PPP2R5C: variants seen among roughly 807,000 people sequenced by gnomAD.
The protein encoded by PPP2R5C is serine/threonine-protein phosphatase 2A 56 kDa regulatory subunit gamma isoform.
Under a neutral mutation model 68.9 loss-of-function variants are expected in PPP2R5C, and 7 were observed. That is an observed-to-expected ratio of 0.10 (90% CI 0.06 to 0.19). PPP2R5C has a LOEUF of 0.19. Among genes scored for constraint, PPP2R5C ranks in the 10% least tolerant of loss-of-function variants. The pLI is 1.00. For missense variants in PPP2R5C, 348 were observed against 641.3 expected (o/e 0.54, Z 4.94); for synonymous variants, 210 against 222.2 (o/e 0.95, Z 0.49).
intron 1 of PPP2R5C, among the ~76,000 whole-genome samples, chr14:101,829,012 A>G (rs1423285962): frequency 2.0e-5 from 3 of 152,172 alleles, no homozygotes; most frequent in Non-Finnish European, 4.4e-5. Context: ...CTCAAAAACT[A>G]TGTTTTCCAA....
chr14:101,836,984 A>G (rs1020072117), intron 1 of PPP2R5C, among the ~76,000 whole-genome samples: 2 of 152,256 alleles, frequency 1.3e-5, no homozygotes, highest in Non-Finnish European at 2.9e-5. Flanking sequence ...AGACAAAATC[A>G]GTGAGTGCAG....
At chr14:101,890,842 G>A (rs974218769) in intron 6 of PPP2R5C, among the ~76,000 whole-genome samples, 3 of 137,426 alleles carry the variant, frequency 2.2e-5, no homozygotes, top group Non-Finnish European at 4.5e-5. Context: ...GCACGATCTC[G>A]GCTCACTGCA....
chr14:101,767,394 C>T (rs570518824), intron 2 of PPP2R5C, among the ~76,000 whole-genome samples: 5 of 152,228 alleles, frequency 3.3e-5, no homozygotes, highest in African/African-American at 1.2e-4. Flanking sequence ...AGAAATACTC[C>T]TTTTCACAGT....
chr14:101,829,702 G>T (rs2040619454), intron 1 of PPP2R5C, among the ~76,000 whole-genome samples: 1 of 152,124 alleles, frequency 6.6e-6, no homozygotes, highest in African/African-American at 2.4e-5. Flanking sequence ...AGTTTTCCAT[G>T]CATGGACCCT....
intron 1 of PPP2R5C, among the ~76,000 whole-genome samples, chr14:101,827,942 G>A (rs1031206950): frequency 2.6e-5 from 4 of 152,118 alleles, no homozygotes; most frequent in African/African-American, 9.7e-5. Context: ...GTATTAAAAT[G>A]TCTTTTTTGT....
chr14:101,834,971 G>A (rs1409929958), intron 1 of PPP2R5C, among the ~76,000 whole-genome samples: 1 of 152,190 alleles, frequency 6.6e-6, no homozygotes, highest in Non-Finnish European at 1.5e-5. Context: ...ACTTGGCAGG[G>A]TCAAGCCTAC....
chr14:101,760,728 TGAGGGGAGGGGCTGGTC>T (rs1451943095), upstream of PPP2R5C: 10,835 of 805,284 alleles, frequency 0.013, 193 homozygotes, highest in Non-Finnish European at 0.014. Flanking sequence ...GCTGAGCTGG[TGAGGGGAGGGGCTGGTC>T]GAGGGGAGGG....
Position 101,906,494 on chromosome 14 carries a change from T to C in PPP2R5C, c.1116T>C (p.Pro372=). Residue 372 remains proline (P), a synonymous_variant, in exon 10 of 14, where the codon CCT becomes CCC. Coordinates refer to ENST00000334743, the Ensembl canonical transcript of PPP2R5C. This position sits in a 1 kb window ranked among gnomAD's most constrained non-coding sequence, Gnocchi z 4.0. The stretch of plus-strand genomic sequence containing the variant: ...CGAAGATTCTGCCCATCATGTTTCC[T>C]TCCTTGTACCGCAACTCAAAGACCC... The C allele has an allele frequency of 6.2e-7, 1 of 1,613,460 alleles. No individual in the cohort carries two copies. Among genetic ancestry groups the C allele is most frequent in the Non-Finnish European group, 8.5e-7 (1 of 1,179,820 alleles).
chr14:101,788,528 T>G (rs2038225043), intron 3 of PPP2R5C, among the ~76,000 whole-genome samples: 1 of 152,230 alleles, frequency 6.6e-6, no homozygotes, highest in African/African-American at 2.4e-5. Flanking sequence ...CTGTTTTCTA[T>G]TCTCAACCTC....
chr14:101,829,833 G>A (rs1009417315), intron 1 of PPP2R5C, among the ~76,000 whole-genome samples: 1 of 152,116 alleles, frequency 6.6e-6, no homozygotes, highest in Non-Finnish European at 1.5e-5. Context: ...CTTCAAAGGT[G>A]CTGCTTAGTC....
intron 10 of PPP2R5C, among the ~76,000 whole-genome samples, chr14:101,908,158 T>C (rs1001887390): frequency 1.3e-5 from 2 of 152,164 alleles, no homozygotes; most frequent in African/African-American, 4.8e-5. Context: ...CACTTGGTTG[T>C]GAGGATTAAG....
chr14:101,772,572 A>G (rs2037208152), intron 2 of PPP2R5C, among the ~76,000 whole-genome samples: 1 of 152,090 alleles, frequency 6.6e-6, no homozygotes, highest in South Asian at 2.1e-4. Context: ...AGTCGGGTGG[A>G]TCACCTAAGA....
intron 2 of PPP2R5C, among the ~76,000 whole-genome samples, chr14:101,868,395 C>G (rs2043205064): frequency 6.6e-6 from 1 of 152,090 alleles, no homozygotes; most frequent in African/African-American, 2.4e-5. Context: ...AATACGAAAG[C>G]ATTTTAAAAA....
In PPP2R5C at chr14:101,818,841, G is replaced by A. The variant is rs986165055; in HGVS notation, c.94+8805G>A. On this transcript the variant is annotated intron_variant, in intron 1 of 13. Transcript: ENST00000334743. ...TTCAGTAGAATTTGAGCTGTTAACAGTGATTAGGTTTTTTCAGTTTGTCAT... is the reference window on the plus strand; with the variant it reads ...TTCAGTAGAATTTGAGCTGTTAACAATGATTAGGTTTTTTCAGTTTGTCAT... The A allele has an allele frequency of 3.3e-5, 20 of 611,032 alleles. No individual in the cohort carries two copies. The African/African-American group carries it at 3.7e-4, about 11-fold the overall frequency. The allele number at this position is 611,032 out of a possible 1,614,324, so 37.9% of individuals were successfully genotyped here. A position where few individuals can be genotyped will look rare whatever the true frequency, so the allele number is the denominator to read the frequency against.
At chr14:101,860,914 G>C (rs966025774) in intron 2 of PPP2R5C, among the ~76,000 whole-genome samples, 1 of 152,158 alleles carries the variant, frequency 6.6e-6, no homozygotes, top group East Asian at 1.9e-4. Flanking sequence ...AGAGAGATGC[G>C]GGTGGTGAGG....
chr14:101,922,090 G>C (rs1595566899), intron 13 of PPP2R5C: 1 of 985,362 alleles, frequency 1.0e-6, no homozygotes, highest in Non-Finnish European at 1.2e-6. Context: ...CACATTGAAG[G>C]CCTGTTCTCC....
At position 101,879,913 on chromosome 14, in the gene PPP2R5C, AGT is replaced by A. The variant is rs369632300; in HGVS notation, c.295-2234_295-2233del. Among the ~76,000 whole-genome samples the A allele has an allele frequency of 2.0e-5, 3 of 151,810 alleles. No homozygotes were observed. Among genetic ancestry groups the A allele is most frequent in the Non-Finnish European group, 4.4e-5 (3 of 67,848 alleles). On this transcript the variant is annotated intron_variant, in intron 2 of 13. Coordinates refer to ENST00000334743, the Ensembl canonical transcript of PPP2R5C. The surrounding 1 kb of genome is among the most constrained non-coding windows in gnomAD (Gnocchi z 4.2). ...TGGGAGGACATGGCGGCCTGCCCAA[AGT>A]GTGTGTGTGTGTGGCCTTTCCTTAA...
At chr14:101,866,238 TAGAG>T (rs1429960738) in intron 2 of PPP2R5C, among the ~76,000 whole-genome samples, 1 of 152,234 alleles carries the variant, frequency 6.6e-6, no homozygotes, top group African/African-American at 2.4e-5. Flanking sequence ...AACTACTTCA[TAGAG>T]AGTTAGTTAG....
intron 2 of PPP2R5C, among the ~76,000 whole-genome samples, chr14:101,779,291 A>G (rs1046853911): frequency 3.9e-5 from 6 of 152,126 alleles, no homozygotes; most frequent in Non-Finnish European, 7.4e-5. Flanking sequence ...CATGCTCTCA[A>G]CAAGCTCAGA....
Sources: allele counts gnomAD v4.1 joint callset (sites outside exome capture counted in the v4.1 genomes callset), GRCh38; gene constraint gnomAD v4.1.1; non-coding constraint Gnocchi (gnomAD v3.1); transcripts MANE v1.5; gene names NCBI Gene and HGNC (gene_info 2026-07-23, HGNC 2026-07-21).